TPCN1: variants seen among roughly 807,000 people sequenced by gnomAD.
TPCN1 encodes the protein two pore channel protein 1.
A neutral mutation model predicts 108.8 loss-of-function variants in TPCN1; 52 were observed. The ratio of observed to expected loss-of-function variants is 0.48; its 90% CI spans 0.38 to 0.60. The LOEUF is 0.60. Ranked by LOEUF, TPCN1 falls within the 20% of genes least tolerant of loss-of-function variation. The probability of loss-of-function intolerance (pLI) is 0.00; values close to 1 mark genes in which losing one functional copy is unlikely to be tolerated. For synonymous variants in TPCN1, 446 were observed against 433.7 expected, an observed-to-expected ratio of 1.03 and a Z score of -0.35; for missense variants, 806 against 1,072.8, an observed-to-expected ratio of 0.75 and a Z score of 3.47.
Position 113,227,247 on chromosome 12 carries a change from A to T in TPCN1, c.112+283A>T, listed in dbSNP as rs183936958. ...CTGAGGTACCTTGGCCTGCCTGTGG[A>T]TGCTTGGTGGGGACCTCAGGCCAAC... On this transcript the variant is annotated intron_variant, in intron 2 of 27. Coordinates refer to ENST00000335509, the MANE Select transcript of TPCN1 (RefSeq NM_017901.6). Among the ~76,000 whole-genome samples, 834 of 152,134 alleles carry T rather than the reference A, an allele frequency of 5.5e-3. 7 individuals are homozygous for T. The highest frequency in any genetic ancestry group is 0.019 in the African/African-American group (773 of 41,502).
chr12:113,291,606 C>T lies in TPCN1; in HGVS notation c.1960-3C>T. 3 of 1,611,986 alleles carry T rather than the reference C, an allele frequency of 1.9e-6. No homozygotes were observed. On this transcript the variant is annotated splice_polypyrimidine_tract_variant and splice_region_variant and intron_variant, in intron 23 of 27. Coordinates refer to ENST00000335509, the MANE Select transcript of TPCN1 (RefSeq NM_017901.6). The stretch of plus-strand genomic sequence containing the variant: ...CTCACTGGCTGCTTCCCTTGGTCTC[C>T]AGGAAGGCGTCACCTCTCAGACCTC...
At chr12:113,286,080 G>T in intron 18 of TPCN1, 119 bp downstream of exon 18, 2 of 885,268 alleles carry the variant, frequency 2.3e-6, no homozygotes, top group East Asian at 2.5e-5. Context: ...GTCTGAGGAT[G>T]GGCTGAGGCC....
rs1399547811 is a variant in TPCN1 at position 113,284,551 on chromosome 12, CTCTG to C, written c.1343-26_1343-23del. The stretch of plus-strand genomic sequence containing the variant: ...AGATTTCTAAGCCCCCCTGTTATTT[CTCTG>C]TCTTTTACGGGCCTGTGTATTTCAG... On this transcript the variant is annotated intron_variant, in intron 15 of 27. Transcript: ENST00000335509. This position sits in a 1 kb window ranked among gnomAD's most constrained non-coding sequence, Gnocchi z 4.1. 44 of 1,613,472 alleles carry C rather than the reference CTCTG, an allele frequency of 2.7e-5. No individual in the cohort carries two copies. Among genetic ancestry groups the C allele is most frequent in the Non-Finnish European group, 3.3e-5 (39 of 1,179,860 alleles).
chr12:113,282,988 G>A (rs1029109829), intron 15 of TPCN1, among the ~76,000 whole-genome samples: 1 of 151,844 alleles, frequency 6.6e-6, no homozygotes, highest in Non-Finnish European at 1.5e-5. Context: ...GAGGCAGGAG[G>A]ATCACTTGAT....
intron 10 of TPCN1, among the ~76,000 whole-genome samples, chr12:113,275,198 C>A (rs1955629985): frequency 6.6e-6 from 1 of 152,176 alleles, no homozygotes; most frequent in Non-Finnish European, 1.5e-5. Context: ...AAATGAAAAT[C>A]ATCTTTTCCA....
At chr12:113,223,454 GTTC>G (rs1953344974) in intron 1 of TPCN1, among the ~76,000 whole-genome samples, 2 of 103,042 alleles carry the variant, frequency 1.9e-5, no homozygotes, top group South Asian at 5.7e-4. Context: ...TTTTTTTTTG[GTTC>G]TTCTCAGCGG....
At chr12:113,246,717 G>A (rs933004997) in intron 2 of TPCN1, among the ~76,000 whole-genome samples, 4 of 152,088 alleles carry the variant, frequency 2.6e-5, no homozygotes, top group African/African-American at 9.7e-5. Flanking sequence ...GGGCCCCTGC[G>A]ACGTGCCCCA....
chr12:113,257,316 AC>A (rs1194349999), intron 2 of TPCN1, among the ~76,000 whole-genome samples: 1 of 151,990 alleles, frequency 6.6e-6, no homozygotes, highest in African/African-American at 2.4e-5. Flanking sequence ...ACATGGTGAA[AC>A]GTCTCTACTA....
intron 12 of TPCN1, among the ~76,000 whole-genome samples, chr12:113,277,889 C>T (rs1955727550): frequency 6.6e-6 from 1 of 152,186 alleles, no homozygotes; most frequent in Admixed American, 6.5e-5. Flanking sequence ...GTGAAGTTTC[C>T]GTCCTCCTAA....
Position 113,284,973 on chromosome 12 carries a change from G to T in TPCN1, c.1453+202G>T, listed in dbSNP as rs868331162. Among the ~76,000 whole-genome samples the T allele has an allele frequency of 6.6e-6, 1 of 152,174 alleles. No individual in the cohort carries two copies. The highest frequency in any genetic ancestry group is 1.5e-5 in the Non-Finnish European group (1 of 68,028). Reference sequence around the variant, plus strand: ...TCTGGATGGAGCCCAGATCCTAGGCGTGTGTGACCCTCCACTCGGCTCTGC... The same window carrying T: ...TCTGGATGGAGCCCAGATCCTAGGCTTGTGTGACCCTCCACTCGGCTCTGC... On this transcript the variant is annotated intron_variant, in intron 17 of 27. Coordinates refer to ENST00000335509, the MANE Select transcript of TPCN1 (RefSeq NM_017901.6). This position sits in a 1 kb window ranked among gnomAD's most constrained non-coding sequence, Gnocchi z 4.1.
At position 113,291,871 on chromosome 12, in the gene TPCN1, C is replaced by T. The variant is rs1350154507; in HGVS notation, c.2029-3C>T. On this transcript the variant is annotated splice_polypyrimidine_tract_variant and splice_region_variant and intron_variant, in intron 24 of 27. Coordinates refer to ENST00000335509, the MANE Select transcript of TPCN1 (RefSeq NM_017901.6). ...CTGCCCCTCCCTCCCTATCCCTGGC[C>T]AGGTGGTGATGACGATCATTGTCGC... 5.6e-6 allele frequency: 9 copies of T among 1,613,510 alleles called. No individual in the cohort carries two copies. The Admixed American group carries it at 1.3e-4, about 24-fold the overall frequency.
At chr12:113,267,768 C>T (rs901727407) in intron 4 of TPCN1, 75 bp from the exon 5 acceptor site, 66 of 1,019,532 alleles carry the variant, frequency 6.5e-5, no homozygotes, top group Admixed American at 4.5e-4. Context: ...CTCCCAGGTC[C>T]TGGGAGGGTT....
Position 113,288,514 on chromosome 12 carries a change from T to C in TPCN1, c.1707-244T>C, listed in dbSNP as rs1474282142. On this transcript the variant is annotated intron_variant, in intron 20 of 27. Transcript: ENST00000335509. The surrounding 1 kb of genome is among the most constrained non-coding windows in gnomAD (Gnocchi z 4.8). ...TCACAGGTAAGGGGTCACCTGTGAG[T>C]CTACCTTCACAGGTAAGGGGTGAAT... is the stretch of plus-strand genomic sequence containing the variant. 6.7e-7 allele frequency: 1 copy of C among 1,496,852 alleles called. No individual in the cohort carries two copies. The highest frequency in any genetic ancestry group is 2.2e-5 in the Admixed American group (1 of 45,886). 92.7% of individuals were successfully genotyped at this position (1,496,852 alleles called of 1,614,324 possible). A position where few individuals can be genotyped will look rare whatever the true frequency, so the allele number is the denominator to read the frequency against.
chr12:113,257,052 AAAG>A (rs1322699503), intron 2 of TPCN1, among the ~76,000 whole-genome samples: 1 of 152,238 alleles, frequency 6.6e-6, no homozygotes, highest in Non-Finnish European at 1.5e-5. Flanking sequence ...TAATAAAAAA[AAAG>A]AAAAAGGTGA....
At chr12:113,245,645 C>T (rs1407844128) in intron 2 of TPCN1, among the ~76,000 whole-genome samples, 2 of 151,728 alleles carry the variant, frequency 1.3e-5, no homozygotes, top group Admixed American at 6.6e-5. Context: ...GTAGGCCCCT[C>T]AGTATCACCC....
chr12:113,288,366 CA>C lies in TPCN1; in HGVS notation c.1706+134del, dbSNP rs747737569. The C allele has an allele frequency of 4.0e-6, 6 of 1,514,426 alleles. No homozygotes were observed. The highest frequency in any genetic ancestry group is 4.4e-6 in the Non-Finnish European group (5 of 1,133,054). 93.8% of individuals were successfully genotyped at this position (1,514,426 alleles called of 1,614,324 possible). A position where few individuals can be genotyped will look rare whatever the true frequency, so the allele number is the denominator to read the frequency against. On this transcript the variant is annotated intron_variant, in intron 20 of 27. Coordinates refer to ENST00000335509, the MANE Select transcript of TPCN1 (RefSeq NM_017901.6). This position sits in a 1 kb window ranked among gnomAD's most constrained non-coding sequence, Gnocchi z 4.8. ...TGCAATCGAGGGCCTGACGGGGCTC[CA>C]AGGAGCCTGGAATCTTGACCACCAC... is the stretch of plus-strand genomic sequence containing the variant.
In TPCN1 at chr12:113,273,171, G is replaced by A. The variant is rs1404931063; in HGVS notation, c.784-61G>A. Reference sequence around the variant, plus strand: ...CATGCCAGGTGGCCCATCACAGCCTGTTCCTGATGGCCGTGTGCTCTTGGC... The same window carrying A: ...CATGCCAGGTGGCCCATCACAGCCTATTCCTGATGGCCGTGTGCTCTTGGC... On this transcript the variant is annotated intron_variant, in intron 8 of 27. Transcript: ENST00000335509. The surrounding 1 kb of genome is among the most constrained non-coding windows in gnomAD (Gnocchi z 4.0). 2 of 1,525,830 alleles carry A rather than the reference G, an allele frequency of 1.3e-6. No individual in the cohort carries two copies. The highest frequency in any genetic ancestry group is 1.8e-6 in the Non-Finnish European group (2 of 1,099,910). 94.5% of individuals were successfully genotyped at this position (1,525,830 alleles called of 1,614,324 possible). A position where few individuals can be genotyped will look rare whatever the true frequency, so the allele number is the denominator to read the frequency against.
chr12:113,231,921 C>T lies in TPCN1; in HGVS notation c.112+4957C>T, dbSNP rs548397657. Among the ~76,000 whole-genome samples the T allele has an allele frequency of 7.7e-4, 117 of 152,328 alleles. 1 individual carries two copies. Among genetic ancestry groups the T allele is most frequent in the African/African-American group, 2.7e-3 (113 of 41,570 alleles). Reference sequence around the variant, plus strand: ...TCCACACCGCGTGACAGGCGGTGGTCTCACCCACCACATTCAGGGAATCAG... The same window carrying T: ...TCCACACCGCGTGACAGGCGGTGGTTTCACCCACCACATTCAGGGAATCAG... On this transcript the variant is annotated intron_variant, in intron 2 of 27. Transcript: ENST00000335509. The surrounding 1 kb of genome is among the most constrained non-coding windows in gnomAD (Gnocchi z 4.3).
In TPCN1 at chr12:113,273,184, G is replaced by C; in HGVS notation, c.784-48G>C. 1 of 1,574,950 alleles carries C rather than the reference G, an allele frequency of 6.3e-7. No homozygotes were observed. Among genetic ancestry groups the C allele is most frequent in the East Asian group, 2.2e-5 (1 of 44,636 alleles). ...CCATCACAGCCTGTTCCTGATGGCC[G>C]TGTGCTCTTGGCTGGTCCCGACTTC... On this transcript the variant is annotated intron_variant, in intron 8 of 27. Transcript: ENST00000335509. The surrounding 1 kb of genome is among the most constrained non-coding windows in gnomAD (Gnocchi z 4.0).
Sources: gnomAD v4.1 joint callset for allele counts (sites outside exome capture counted in the v4.1 genomes callset) on GRCh38, gnomAD v4.1.1 for gene constraint, Gnocchi (gnomAD v3.1) non-coding constraint, MANE v1.5 for transcripts, NCBI Gene and HGNC (gene_info 2026-07-23, HGNC 2026-07-21) for gene names.